LRRIQ1: variants seen among roughly 807,000 people sequenced by gnomAD.
The protein encoded by LRRIQ1 is leucine-rich repeat- and IQ domain-containing protein 1.
In LRRIQ1, 210 loss-of-function variants were observed where a neutral mutation model predicts 211.9. That is an observed-to-expected ratio of 0.99 (90% CI 0.89 to 1.11). The LOEUF (loss-of-function observed/expected upper bound fraction) is 1.11. Among genes scored for constraint, LRRIQ1 ranks in the 50% most tolerant of loss-of-function variants. The probability of loss-of-function intolerance (pLI) is 0.00; values close to 1 mark genes in which losing one functional copy is unlikely to be tolerated. For synonymous variants in LRRIQ1, 699 were observed against 650.1 expected, an observed-to-expected ratio of 1.08 and a Z score of -1.14; for missense variants, 2,136 against 1,939.5, an observed-to-expected ratio of 1.10 and a Z score of -1.90.
intron 24 of LRRIQ1, among the ~76,000 whole-genome samples, chr12:85,192,599 G>C (rs1226108438): frequency 1.1e-5 from 1 of 94,720 alleles, no homozygotes; most frequent in Non-Finnish European, 1.9e-5. Flanking sequence ...CTATAATTGT[G>C]TATATATAGT....
rs762583932 is a variant in LRRIQ1 at position 85,124,038 on chromosome 12, T to A, written c.3558-32T>A. ...GTTTTAATATTTGCTGGTACTATTC[T>A]TATTAAATGTTCTCATCATTTATTT... On this transcript the variant is annotated intron_variant, in intron 16 of 26. Coordinates refer to ENST00000393217, the MANE Select transcript of LRRIQ1 (RefSeq NM_001079910.2). 4.0e-6 allele frequency: 6 copies of A among 1,503,184 alleles called. No individual in the cohort carries two copies. The Admixed American group carries it at 1.1e-4, about 27-fold the overall frequency. 93.1% of individuals were successfully genotyped at this position (1,503,184 alleles called of 1,614,324 possible). A position where few individuals can be genotyped will look rare whatever the true frequency, so the allele number is the denominator to read the frequency against.
intron 1 of LRRIQ1, among the ~76,000 whole-genome samples, chr12:85,254,999 TA>T (rs1485424303): frequency 2.0e-5 from 3 of 151,888 alleles, no homozygotes; most frequent in Non-Finnish European, 4.4e-5. Context: ...TGTACATATA[TA>T]ATTTTCTATA....
chr12:85,169,134 G>A (rs138773608), intron 24 of LRRIQ1, among the ~76,000 whole-genome samples: 271 of 152,194 alleles, frequency 1.8e-3, no homozygotes, highest in African/African-American at 6.1e-3. Context: ...TCACAAGCAG[G>A]CTTTTGAGAT....
At chr12:85,264,296 A>G (rs934318982) in exon 2 of LRRIQ1, 1 of 152,080 alleles carries the variant, frequency 6.6e-6, no homozygotes, top group Non-Finnish European at 1.5e-5. Flanking sequence ...CACTCCATGT[A>G]TAGTTGGAAC....
rs1887494982 is a variant in LRRIQ1 at position 85,115,327 on chromosome 12, T to A, written c.3378-6370T>A. Among the ~76,000 whole-genome samples, 3 of 152,312 alleles carry A rather than the reference T, an allele frequency of 2.0e-5. No homozygotes were observed. In the South Asian group the frequency reaches 6.2e-4, roughly 32 times the overall value. On this transcript the variant is annotated intron_variant, in intron 15 of 26. Transcript: ENST00000393217. Reference sequence around the variant, plus strand: ...TGAGGCCAATCCATGCACTGCTCTGTTATGCAGTTCTGAGGATTGTTCTTT... The same window carrying A: ...TGAGGCCAATCCATGCACTGCTCTGATATGCAGTTCTGAGGATTGTTCTTT...
At chr12:85,235,315 T>A (rs532727960) in intron 26 of LRRIQ1, among the ~76,000 whole-genome samples, 1 of 152,300 alleles carries the variant, frequency 6.6e-6, no homozygotes, top group South Asian at 2.1e-4. Context: ...AGAATTATAA[T>A]TCAGGTTTCC....
intron 18 of LRRIQ1, among the ~76,000 whole-genome samples, chr12:85,134,639 A>C (rs1032925597): frequency 1.1e-4 from 16 of 152,106 alleles, no homozygotes; most frequent in Non-Finnish European, 1.6e-4. Context: ...ATCATTGGAA[A>C]TTATGAATGA....
intron 26 of LRRIQ1, among the ~76,000 whole-genome samples, chr12:85,244,369 G>A (rs185947635): frequency 3.3e-5 from 5 of 151,432 alleles, no homozygotes; most frequent in African/African-American, 7.2e-5. Flanking sequence ...GAATTTTATT[G>A]ATAAGACTAA....
chr12:85,216,233 C>T (rs1894073408), intron 24 of LRRIQ1, among the ~76,000 whole-genome samples: 1 of 152,050 alleles, frequency 6.6e-6, no homozygotes, highest in Non-Finnish European at 1.5e-5. Flanking sequence ...CATGTGTTCT[C>T]GTTCAACTCC....
the LRRIQ1 span, among the ~76,000 whole-genome samples, chr12:85,269,857 A>G: frequency 3.3e-5 from 5 of 152,034 alleles, no homozygotes; most frequent in African/African-American, 1.2e-4. Context: ...TAAATAACAA[A>G]TATTTATTTT....
At chr12:85,248,806 G>A (rs1028795367), downstream of LRRIQ1, among the ~76,000 whole-genome samples, 1 of 151,632 alleles carries the variant, frequency 6.6e-6, no homozygotes, top group African/African-American at 2.4e-5. Flanking sequence ...AGAGGTAGAA[G>A]AAAAACCATT....
At chr12:85,173,662 AAGAGAG>A (rs148337131) in intron 24 of LRRIQ1, among the ~76,000 whole-genome samples, 3 of 148,348 alleles carry the variant, frequency 2.0e-5, no homozygotes, top group Non-Finnish European at 4.5e-5. Flanking sequence ...CACACACAGA[AAGAGAG>A]AGAGAGAGAG....
At chr12:85,272,634 G>A in the LRRIQ1 span, among the ~76,000 whole-genome samples, 1 of 151,802 alleles carries the variant, frequency 6.6e-6, no homozygotes, top group Non-Finnish European at 1.5e-5. Context: ...TGGAATGGCA[G>A]GAAACATTTT....
chr12:85,175,566 A>G (rs539126341), intron 24 of LRRIQ1, among the ~76,000 whole-genome samples: 2 of 152,208 alleles, frequency 1.3e-5, no homozygotes, highest in Non-Finnish European at 1.5e-5. Flanking sequence ...ATAATAAGAC[A>G]TGAAGTCCTT....
chr12:85,065,728 G>A (rs1002952104), intron 9 of LRRIQ1, among the ~76,000 whole-genome samples: 1 of 151,780 alleles, frequency 6.6e-6, no homozygotes, highest in African/African-American at 2.4e-5. Flanking sequence ...GGGTCTGTGG[G>A]CCATTAATTT....
At chr12:85,057,339 A>C (rs1881242845) in intron 8 of LRRIQ1, among the ~76,000 whole-genome samples, 155 bp downstream of exon 8, 1 of 151,986 alleles carries the variant, frequency 6.6e-6, no homozygotes, top group Non-Finnish European at 1.5e-5. Flanking sequence ...TTGGGAGGGG[A>C]TATATCTCAA....
intron 17 of LRRIQ1, 94 bp downstream of exon 17, chr12:85,124,613 A>G: frequency 1.1e-6 from 1 of 948,412 alleles, no homozygotes; most frequent in Admixed American, 2.2e-5. Context: ...TTGCTGAAGG[A>G]TTCAAATCAC....
intron 11 of LRRIQ1, among the ~76,000 whole-genome samples, chr12:85,081,385 A>G (rs538864741): frequency 6.6e-6 from 1 of 152,158 alleles, no homozygotes; most frequent in African/African-American, 2.4e-5. Context: ...TACTATAATC[A>G]GAAAGCTTGT....
intron 24 of LRRIQ1, among the ~76,000 whole-genome samples, chr12:85,208,076 C>T (rs995084372): frequency 3.3e-5 from 5 of 150,666 alleles, no homozygotes; most frequent in Admixed American, 1.3e-4. Flanking sequence ...CATATATTAA[C>T]GTGTACAGTG....
Sources: gnomAD v4.1 joint callset for allele counts (sites outside exome capture counted in the v4.1 genomes callset) on GRCh38, gnomAD v4.1.1 for gene constraint, MANE v1.5 for transcripts, NCBI Gene and HGNC (gene_info 2026-07-23, HGNC 2026-07-21) for gene names.